Variants in CPD observed in about 807,000 individuals in gnomAD.
The protein encoded by CPD is metallocarboxypeptidase D.
In CPD, 69 loss-of-function variants were observed where a neutral mutation model predicts 138.3. That is an observed-to-expected ratio of 0.50 (90% CI 0.41 to 0.61). The LOEUF is 0.61. Among genes scored for constraint, CPD ranks in the 20% least tolerant of loss-of-function variants. The pLI is 0.00. For missense variants in CPD, 1,432 were observed against 1,733.3 expected (o/e 0.83, Z 3.09); for synonymous variants, 651 against 642.1 (o/e 1.01, Z -0.21).
intron 2 of CPD, among the ~76,000 whole-genome samples, chr17:30,392,672 C>G (rs1175448057): frequency 6.6e-6 from 1 of 152,316 alleles, no homozygotes; most frequent in East Asian, 1.9e-4. Flanking sequence ...TTCTTGATCA[C>G]CCTGTGGTAG....
intron 1 of CPD, among the ~76,000 whole-genome samples, chr17:30,381,187 A>G (rs998492053): frequency 2.6e-5 from 4 of 152,268 alleles, no homozygotes; most frequent in African/African-American, 7.2e-5. Context: ...ATCACCTCTG[A>G]ACATCTGCGT....
At chr17:30,429,507 G>A (rs1912506783) in intron 7 of CPD, among the ~76,000 whole-genome samples, 1 of 152,162 alleles carries the variant, frequency 6.6e-6, no homozygotes, top group Non-Finnish European at 1.5e-5. Flanking sequence ...GAATTTCTTT[G>A]TTGCTGTACA....
intron 2 of CPD, among the ~76,000 whole-genome samples, chr17:30,407,694 T>G (rs1477032377): frequency 6.6e-6 from 1 of 152,220 alleles, no homozygotes; most frequent in Non-Finnish European, 1.5e-5. Flanking sequence ...TTGTTTAAGT[T>G]CTTTATAGAT....
At chr17:30,427,111 G>A (rs549887953) in intron 6 of CPD, among the ~76,000 whole-genome samples, 1 of 151,822 alleles carries the variant, frequency 6.6e-6, no homozygotes, top group South Asian at 2.1e-4. Context: ...GAACCCGGGA[G>A]ATGGTGGTTG....
At position 30,410,811 on chromosome 17, in the gene CPD, A is replaced by T. The variant is rs535505526; in HGVS notation, c.995-10030A>T. ...ACTGATGGGTCTTGACTCTTTATCC[A>T]GTTTGTCAGTCTGTGTCTTTTAATT... On this transcript the variant is annotated intron_variant, in intron 2 of 20. Transcript: ENST00000225719. Among the ~76,000 whole-genome samples, 3 of 152,234 alleles carry T rather than the reference A, an allele frequency of 2.0e-5. No individual in the cohort carries two copies. In the South Asian group the frequency reaches 6.2e-4, roughly 32 times the overall value.
rs1567868946 is a variant in CPD at position 30,401,383 on chromosome 17, C to CCTCTTCCTCTTCTTCCTT, written c.994+16164_994+16165insTCTCTTCCTCTTCTTCCT. ...TCTTCCTCCTCTTCCTCTTCTTCCT[C>CCTCTTCCTCTTCTTCCTT]CTCTTCCTCTTCTTCCTCCTCCTCT... On this transcript the variant is annotated intron_variant, in intron 2 of 20. Transcript: ENST00000225719. 2.1e-4 allele frequency among the ~76,000 whole-genome samples: 32 copies of CCTCTTCCTCTTCTTCCTT among 149,400 alleles called. 1 individual carries two copies. Among genetic ancestry groups the CCTCTTCCTCTTCTTCCTT allele is most frequent in the African/African-American group, 5.4e-4 (22 of 40,394 alleles).
At position 30,380,499 on chromosome 17, in the gene CPD, G is replaced by A. The variant is rs73987917; in HGVS notation, c.746+773G>A. 2.4e-3 allele frequency: 3,302 copies of A among 1,354,012 alleles called. 77 individuals carry two copies. The African/African-American group carries it at 0.045, about 19-fold the overall frequency. 83.9% of individuals were successfully genotyped at this position (1,354,012 alleles called of 1,614,324 possible). A position where few individuals can be genotyped will look rare whatever the true frequency, so the allele number is the denominator to read the frequency against. ...TGTCATTTGTGCACCTTATTAGCCT[G>A]GGCAGAATGGCTAATGGTCACACTT... On this transcript the variant is annotated intron_variant, in intron 1 of 20. Transcript: ENST00000225719.
At position 30,456,502 on chromosome 17, in the gene CPD, G is replaced by A. The variant is rs1346576270; in HGVS notation, c.3474G>A (p.Trp1158Ter). ...IPGGVMRGAE[W>*]HSHLGSMKDY... is the part of the protein sequence containing the mutation. ...GAGGAGTAATGCGTGGAGCAGAATG[G>A]CATAGTCACCTGGGCAGCATGAAGG... Residue 1158 changes from tryptophan to a stop codon, truncating the protein, a stop_gained, in exon 17 of 21, where the codon TGG (tryptophan) becomes TGA (stop). Transcript: ENST00000225719. LOFTEE classifies it high-confidence loss of function. 6.2e-7 allele frequency: 1 copy of A among 1,614,092 alleles called. No individual in the cohort carries two copies. The highest frequency in any genetic ancestry group is 2.2e-5 in the East Asian group (1 of 44,888).
intron 2 of CPD, among the ~76,000 whole-genome samples, chr17:30,405,827 A>ATGTC (rs2143367524): frequency 6.6e-6 from 1 of 152,218 alleles, no homozygotes; most frequent in South Asian, 2.1e-4. Flanking sequence ...CTAAATCATT[A>ATGTC]TGTCCAGTTG....
intron 2 of CPD, among the ~76,000 whole-genome samples, chr17:30,413,616 C>T (rs997323997): frequency 2.6e-5 from 4 of 152,322 alleles, no homozygotes; most frequent in African/African-American, 7.2e-5. Context: ...TACTATGTGG[C>T]AGGTACTGTT....
chr17:30,425,469 A>G (rs928175667), intron 6 of CPD, among the ~76,000 whole-genome samples: 3 of 152,142 alleles, frequency 2.0e-5, no homozygotes, highest in African/African-American at 7.2e-5. Flanking sequence ...AGCCTGGCCA[A>G]CATGGTGAAA....
intron 2 of CPD, among the ~76,000 whole-genome samples, chr17:30,394,455 T>G (rs1911445630): frequency 6.6e-6 from 1 of 152,226 alleles, no homozygotes; most frequent in African/African-American, 2.4e-5. Flanking sequence ...GTTTATACAG[T>G]ACCATCAGTA....
Position 30,442,463 on chromosome 17 carries a change from G to A in CPD, c.2373+13G>A. The A allele has an allele frequency of 6.2e-7, 1 of 1,607,558 alleles. No individual in the cohort carries two copies. Among genetic ancestry groups the A allele is most frequent in the Non-Finnish European group, 8.5e-7 (1 of 1,175,238 alleles). On this transcript the variant is annotated intron_variant, in intron 10 of 20. Transcript: ENST00000225719. Reference sequence around the variant, plus strand: ...GTTTATGAAACAGGTGACTATTCAGGAGTGAAGTATGAAATTTCTCCCGAG... The same window carrying A: ...GTTTATGAAACAGGTGACTATTCAGAAGTGAAGTATGAAATTTCTCCCGAG...
intron 1 of CPD, among the ~76,000 whole-genome samples, chr17:30,384,726 A>G (rs1345369182): frequency 2.0e-5 from 3 of 152,220 alleles, no homozygotes; most frequent in African/African-American, 4.8e-5. Context: ...TATTTTTTCA[A>G]TGAAGGAAAA....
At chr17:30,393,759 C>T (rs572916891) in intron 2 of CPD, among the ~76,000 whole-genome samples, 2 of 152,310 alleles carry the variant, frequency 1.3e-5, no homozygotes, top group South Asian at 2.1e-4. Flanking sequence ...CCAGCTGTCA[C>T]GCTTAGGGAA....
intron 8 of CPD, among the ~76,000 whole-genome samples, chr17:30,437,482 C>T (rs1359683231): frequency 1.3e-5 from 2 of 151,968 alleles, no homozygotes; most frequent in African/African-American, 2.4e-5. Flanking sequence ...CCCAGGAGTT[C>T]GAGACCAGCC....
At chr17:30,401,339 T>C (rs147007113) in intron 2 of CPD, among the ~76,000 whole-genome samples, 1,867 of 150,130 alleles carry the variant, frequency 0.012, 42 homozygotes, top group African/African-American at 0.043. Flanking sequence ...CCTCTTCCTC[T>C]TCTTCCTCCT....
At position 30,464,853 on chromosome 17, in the gene CPD, CA is replaced by C. The variant is rs774045681; in HGVS notation, c.*43del. The C allele has an allele frequency of 1.1e-5, 17 of 1,510,940 alleles. No homozygotes were observed. The South Asian group carries it at 1.9e-4, about 17-fold the overall frequency. The allele number at this position is 1,510,940 out of a possible 1,614,324, so 93.6% of individuals were successfully genotyped here. A position where few individuals can be genotyped will look rare whatever the true frequency, so the allele number is the denominator to read the frequency against. On this transcript the variant is annotated 3_prime_UTR_variant, in exon 21 of 21. Transcript: ENST00000225719. ...CATATCTCCCAGCATAAGTACCAAG[CA>C]AAATTACAGTTCCTCTTGGGAGAAC...
chr17:30,429,379 T>G (rs1912504569), intron 7 of CPD, among the ~76,000 whole-genome samples: 1 of 152,094 alleles, frequency 6.6e-6, no homozygotes, highest in African/African-American at 2.4e-5. Context: ...CTTGGCATGG[T>G]GAGAGGTAGG....
Sources: gnomAD v4.1 joint callset for allele counts (sites outside exome capture counted in the v4.1 genomes callset) on GRCh38, gnomAD v4.1.1 for gene constraint, MANE v1.5 for transcripts, NCBI Gene and HGNC (gene_info 2026-07-23, HGNC 2026-07-21) for gene names.